QKI: variants seen among roughly 807,000 people sequenced by gnomAD.
QKI encodes the protein QKI, KH domain containing RNA binding.
QKI carries 10 observed loss-of-function variants against 39.0 expected under a neutral mutation model. The observed-to-expected ratio is 0.26, with a 90% confidence interval of 0.16 to 0.43. The LOEUF is 0.43. QKI is among the 20% of genes least tolerant of loss of function. QKI has a pLI of 1.00. For missense variants in QKI, 218 were observed against 428.0 expected, an observed-to-expected ratio of 0.51 and a Z score of 4.33; for synonymous variants, 204 against 155.4, an observed-to-expected ratio of 1.31 and a Z score of -2.33.
rs73787647 is a variant in QKI at position 163,443,818 on chromosome 6, A to G, written c.143-11461A>G. ...AATACAATCGAAAAGGTTAATTAAAAATCAAATAAATTATTACCTAGGAAA... is the reference window on the plus strand; with the variant it reads ...AATACAATCGAAAAGGTTAATTAAAGATCAAATAAATTATTACCTAGGAAA... On this transcript the variant is annotated intron_variant, in intron 1 of 7. Coordinates refer to ENST00000361752, the MANE Select transcript of QKI (RefSeq NM_006775.3). Among the ~76,000 whole-genome samples, 505 of 152,360 alleles carry G rather than the reference A, an allele frequency of 3.3e-3. 4 individuals carry two copies. Among genetic ancestry groups the G allele is most frequent in the African/African-American group, 0.011 (475 of 41,582 alleles).
At chr6:163,448,441 C>T (rs1401944326) in intron 1 of QKI, among the ~76,000 whole-genome samples, 1 of 149,796 alleles carries the variant, frequency 6.7e-6, no homozygotes, top group South Asian at 2.1e-4. Flanking sequence ...ATAGTCTGTA[C>T]TCTAGGCTAG....
chr6:163,476,327 T>TC (rs1025650993), intron 2 of QKI, among the ~76,000 whole-genome samples: 2 of 152,060 alleles, frequency 1.3e-5, no homozygotes, highest in African/African-American at 4.8e-5. Flanking sequence ...GTCTTTTTTT[T>TC]CTCAAGGGTC....
chr6:163,529,587 G>A (rs910257352), intron 3 of QKI, among the ~76,000 whole-genome samples: 1 of 152,276 alleles, frequency 6.6e-6, no homozygotes. Flanking sequence ...TCTAGACATA[G>A]GCGATAGATA....
At chr6:163,503,819 A>C (rs1272131414) in intron 3 of QKI, among the ~76,000 whole-genome samples, 1 of 151,822 alleles carries the variant, frequency 6.6e-6, no homozygotes, top group Non-Finnish European at 1.5e-5. Context: ...GGCTCACTGC[A>C]ACTTCCGCCT....
chr6:163,539,541 T>G (rs1052762887), intron 4 of QKI, among the ~76,000 whole-genome samples: 2 of 152,146 alleles, frequency 1.3e-5, no homozygotes, highest in African/African-American at 2.4e-5. Context: ...TCCTTAGACC[T>G]TTCCATTACC....
At chr6:163,424,306 T>C (rs995759416) in intron 1 of QKI, among the ~76,000 whole-genome samples, 4 of 152,166 alleles carry the variant, frequency 2.6e-5, no homozygotes, top group African/African-American at 9.7e-5. Context: ...ATCATGAGAG[T>C]ATTCAAGTTT....
chr6:163,439,422 A>G (rs1789578898), intron 1 of QKI, among the ~76,000 whole-genome samples: 2 of 147,262 alleles, frequency 1.4e-5, no homozygotes, highest in Admixed American at 1.4e-4. Flanking sequence ...ATCTCGGCTC[A>G]ATGCACCCTC....
intron 2 of QKI, among the ~76,000 whole-genome samples, chr6:163,470,191 G>A (rs570298236): frequency 3.4e-4 from 51 of 152,188 alleles, no homozygotes; most frequent in African/African-American, 1.2e-3. Context: ...GAGGACAGAC[G>A]AAAGGCTGAG....
chr6:163,438,079 A>G (rs1210334360), intron 1 of QKI, among the ~76,000 whole-genome samples: 1 of 152,316 alleles, frequency 6.6e-6, no homozygotes, highest in South Asian at 2.1e-4. Context: ...AACCTGTTAC[A>G]TTCTACCTTC....
intron 1 of QKI, among the ~76,000 whole-genome samples, chr6:163,423,945 C>T (rs1407933026): frequency 6.6e-6 from 1 of 152,044 alleles, no homozygotes; most frequent in African/African-American, 2.4e-5. Flanking sequence ...GTAAACAGCC[C>T]AATGATATAT....
rs939177302 is a variant in QKI, at chr6:163,435,048, A to G, written c.142+19713A>G. On this transcript the variant is annotated intron_variant, in intron 1 of 7. Transcript: ENST00000361752. ...AAAATGATTTTTTTAAAAAATTGCA[A>G]CTTGTGTATATTCTGTATATTGACT... is the stretch of plus-strand genomic sequence containing the variant. Among the ~76,000 whole-genome samples the G allele has an allele frequency of 2.0e-5, 3 of 152,322 alleles. No individual in the cohort carries two copies. In the South Asian group the frequency reaches 6.2e-4, roughly 32 times the overall value.
At position 163,575,368 on chromosome 6, in the gene QKI, C is replaced by T. The variant is rs1242258977; in HGVS notation, c.*4658C>T. The stretch of plus-strand genomic sequence containing the variant: ...GGAAATGTAAAAAAGTTTTAAAAGG[C>T]GAAAATAACATTACAGATTTCATTT... On this transcript the variant is annotated 3_prime_UTR_variant, in exon 8 of 8. Transcript: ENST00000361752. The T allele has an allele frequency of 4.6e-5, 7 of 151,968 alleles. No homozygotes were observed. Among genetic ancestry groups the T allele is most frequent in the Non-Finnish European group, 7.4e-5 (5 of 67,992 alleles). The allele number at this position is 151,968 out of a possible 1,614,324, so 9.4% of individuals were successfully genotyped here.
intron 1 of QKI, among the ~76,000 whole-genome samples, chr6:163,451,813 A>G (rs574039447): frequency 1.3e-5 from 2 of 152,282 alleles, no homozygotes; most frequent in East Asian, 1.9e-4. Context: ...AAGCATTCCT[A>G]TGTTTCATGA....
At chr6:163,510,282 A>G (rs1430494030) in intron 3 of QKI, among the ~76,000 whole-genome samples, 2 of 150,862 alleles carry the variant, frequency 1.3e-5, no homozygotes, top group Non-Finnish European at 3.0e-5. Flanking sequence ...AAGCAAGCCA[A>G]GTGCAGTGGC....
chr6:163,518,703 A>G (rs1007230546), intron 3 of QKI, among the ~76,000 whole-genome samples: 7 of 152,178 alleles, frequency 4.6e-5, no homozygotes, highest in Non-Finnish European at 1.0e-4. Context: ...ATTAAGGTCA[A>G]GTTTTATACA....
At chr6:163,464,453 G>A (rs189714923) in intron 2 of QKI, among the ~76,000 whole-genome samples, 15 of 151,908 alleles carry the variant, frequency 9.9e-5, no homozygotes, top group Admixed American at 7.9e-4. Context: ...AAAATTGACA[G>A]ACCTTTAGTT....
chr6:163,499,153 G>A (rs1778592094), intron 3 of QKI, among the ~76,000 whole-genome samples: 1 of 152,116 alleles, frequency 6.6e-6, no homozygotes, highest in Admixed American at 6.6e-5. Flanking sequence ...TTGGATTAAG[G>A]ATGCTCAATC....
chr6:163,525,726 AGTATT>A (rs1243248284), intron 3 of QKI, among the ~76,000 whole-genome samples: 1 of 152,106 alleles, frequency 6.6e-6, no homozygotes, highest in East Asian at 1.9e-4. Flanking sequence ...TTGACTTTTA[AGTATT>A]GTATTTAGCC....
At chr6:163,565,244 T>G (rs1187195738) in intron 6 of QKI, 1 of 987,602 alleles carries the variant, frequency 1.0e-6, no homozygotes, top group Non-Finnish European at 1.2e-6. Flanking sequence ...ATTAATACTC[T>G]GTCCTGTGGT....
Sources: gnomAD v4.1 joint callset for allele counts (sites outside exome capture counted in the v4.1 genomes callset) on GRCh38, gnomAD v4.1.1 for gene constraint, MANE v1.5 for transcripts, NCBI Gene and HGNC (gene_info 2026-07-23, HGNC 2026-07-21) for gene names.